Variants in PPARGC1B observed in about 807,000 individuals in gnomAD.
The protein encoded by PPARGC1B is PPARG coactivator 1 beta.
In PPARGC1B, 34 loss-of-function variants were observed where a neutral mutation model predicts 101.6. That is an observed-to-expected ratio of 0.33 (90% CI 0.25 to 0.45). PPARGC1B has a LOEUF of 0.45. Ranked by LOEUF, PPARGC1B falls within the 20% of genes least tolerant of loss-of-function variation. PPARGC1B has a pLI of 1.00. For missense variants in PPARGC1B, 1,234 were observed against 1,317.6 expected (o/e 0.94, Z 0.98); for synonymous variants, 548 against 539.3 (o/e 1.02, Z -0.22).
rs571683316 is a variant in PPARGC1B, at chr5:149,752,178, T to C, written c.78+21758T>C. 6.6e-5 allele frequency among the ~76,000 whole-genome samples: 10 copies of C among 152,380 alleles called. No homozygotes were observed. The East Asian group carries it at 1.9e-3, about 29-fold the overall frequency. On this transcript the variant is annotated intron_variant, in intron 1 of 11. Transcript: ENST00000309241. Reference sequence around the variant, plus strand: ...TTAATCACTCCCGAGGTTTGGCTTTTAGTCTACATACTATGTACCGCATCT... The same window carrying C: ...TTAATCACTCCCGAGGTTTGGCTTTCAGTCTACATACTATGTACCGCATCT...
chr5:149,848,968 C>T lies in PPARGC1B; in HGVS notation c.*1410C>T, dbSNP rs1759675968. On this transcript the variant is annotated 3_prime_UTR_variant, in exon 12 of 12. Transcript: ENST00000309241. ...TAAACTTTGTGTTCTTAAGTGATGT[C>T]AAAGCCATTTCCAGCTTAATGTTCT... 1 of 152,200 alleles carries T rather than the reference C, an allele frequency of 6.6e-6. No individual in the cohort carries two copies. The highest frequency in any genetic ancestry group is 1.5e-5 in the Non-Finnish European group (1 of 68,050). The allele number at this position is 152,200 out of a possible 1,614,324, so 9.4% of individuals were successfully genotyped here.
chr5:149,763,576 G>T (rs1201760683), intron 1 of PPARGC1B, among the ~76,000 whole-genome samples: 1 of 133,468 alleles, frequency 7.5e-6, no homozygotes, highest in Non-Finnish European at 1.5e-5. Flanking sequence ...TGTCACCCAG[G>T]CTGCAGTGCA....
intron 1 of PPARGC1B, chr5:149,818,900 A>G (rs773358134): frequency 2.0e-5 from 9 of 456,426 alleles, no homozygotes; most frequent in Non-Finnish European, 3.5e-5. Context: ...GACTTGCCCA[A>G]AGTCCACAAC....
intron 1 of PPARGC1B, among the ~76,000 whole-genome samples, chr5:149,792,638 G>A (rs550930011): frequency 1.3e-5 from 2 of 152,234 alleles, no homozygotes; most frequent in African/African-American, 4.8e-5. Context: ...CTGCAAAGTG[G>A]GATCATATTC....
intron 1 of PPARGC1B, among the ~76,000 whole-genome samples, chr5:149,814,911 G>T (rs1284154752): frequency 6.6e-6 from 1 of 152,232 alleles, no homozygotes; most frequent in African/African-American, 2.4e-5. Context: ...GGGCCAGAGA[G>T]GCCCTACACA....
At chr5:149,763,399 G>T (rs1164351251) in intron 1 of PPARGC1B, among the ~76,000 whole-genome samples, 3 of 152,162 alleles carry the variant, frequency 2.0e-5, no homozygotes, top group Non-Finnish European at 4.4e-5. Flanking sequence ...GGGGCAGGGG[G>T]AGGTGTTTGG....
At chr5:149,774,435 C>T (rs954818019) in intron 1 of PPARGC1B, among the ~76,000 whole-genome samples, 4 of 152,106 alleles carry the variant, frequency 2.6e-5, no homozygotes, top group Non-Finnish European at 4.4e-5. Flanking sequence ...AGCAGTGAGC[C>T]GGGCATATAG....
intron 1 of PPARGC1B, among the ~76,000 whole-genome samples, chr5:149,810,883 G>A (rs1297312705): frequency 2.6e-5 from 4 of 152,010 alleles, no homozygotes; most frequent in Non-Finnish European, 5.9e-5. Flanking sequence ...AGACCCTTCC[G>A]GTACACAAAA....
chr5:149,732,215 A>G (rs1754526883), intron 1 of PPARGC1B, among the ~76,000 whole-genome samples: 1 of 152,164 alleles, frequency 6.6e-6, no homozygotes, highest in Non-Finnish European at 1.5e-5. Flanking sequence ...CAGTACCCCC[A>G]GAGCCGACAG....
rs1756840038 is a variant in PPARGC1B at position 149,787,124 on chromosome 5, G to T, written c.79-33309G>T. Reference sequence around the variant, plus strand: ...AGCCAATGGGAGAAACGGCCTCAGGGTTTCCCATGGATCAGCTTAGCAACC... The same window carrying T: ...AGCCAATGGGAGAAACGGCCTCAGGTTTTCCCATGGATCAGCTTAGCAACC... On this transcript the variant is annotated intron_variant, in intron 1 of 11. Coordinates refer to ENST00000309241, the MANE Select transcript of PPARGC1B (RefSeq NM_133263.4). Among the ~76,000 whole-genome samples, 4 of 152,330 alleles carry T rather than the reference G, an allele frequency of 2.6e-5. No homozygotes were observed. In the South Asian group the frequency reaches 8.3e-4, roughly 32 times the overall value.
intron 4 of PPARGC1B, among the ~76,000 whole-genome samples, chr5:149,831,443 A>G (rs1375721981): frequency 1.3e-5 from 2 of 152,098 alleles, no homozygotes; most frequent in African/African-American, 4.8e-5. Flanking sequence ...TCTCCTGGGA[A>G]CTGTTGCATC....
intron 1 of PPARGC1B, among the ~76,000 whole-genome samples, chr5:149,733,321 T>C (rs1054358619): frequency 7.2e-5 from 11 of 152,220 alleles, no homozygotes; most frequent in Non-Finnish European, 1.6e-4. Context: ...CTTTGAGGCA[T>C]GGATCCCAAA....
chr5:149,745,299 T>C (rs1193300465), intron 1 of PPARGC1B, among the ~76,000 whole-genome samples: 1 of 152,200 alleles, frequency 6.6e-6, no homozygotes, highest in African/African-American at 2.4e-5. Flanking sequence ...AGGACTTACC[T>C]GCCAGGCTTG....
At chr5:149,799,391 T>C (rs1009773165) in intron 1 of PPARGC1B, among the ~76,000 whole-genome samples, 1 of 152,164 alleles carries the variant, frequency 6.6e-6, no homozygotes, top group African/African-American at 2.4e-5. Flanking sequence ...AGTTTCCAGC[T>C]TCTTTGGCTT....
At chr5:149,764,397 T>C (rs1468459944) in intron 1 of PPARGC1B, among the ~76,000 whole-genome samples, 2 of 152,170 alleles carry the variant, frequency 1.3e-5, no homozygotes, top group African/African-American at 4.8e-5. Flanking sequence ...TGAAGTAGGA[T>C]GCGGAGAGTT....
intron 1 of PPARGC1B, among the ~76,000 whole-genome samples, chr5:149,809,697 A>C (rs974368523): frequency 6.6e-6 from 1 of 151,314 alleles, no homozygotes; most frequent in Non-Finnish European, 1.5e-5. Flanking sequence ...TAAAAAAAAA[A>C]AAAAAAAAAA....
At chr5:149,838,803 A>G (rs1420632734) in intron 8 of PPARGC1B, among the ~76,000 whole-genome samples, 1 of 152,184 alleles carries the variant, frequency 6.6e-6, no homozygotes, top group East Asian at 1.9e-4. Flanking sequence ...TACCTGGCTG[A>G]GCTCAGTACC....
At chr5:149,776,863 G>A (rs1396373893) in intron 1 of PPARGC1B, among the ~76,000 whole-genome samples, 3 of 152,216 alleles carry the variant, frequency 2.0e-5, no homozygotes, top group Non-Finnish European at 2.9e-5. Context: ...TGTTGGCAGC[G>A]GACAGGGAGA....
chr5:149,780,285 A>G (rs1247957598), intron 1 of PPARGC1B, among the ~76,000 whole-genome samples: 1 of 152,234 alleles, frequency 6.6e-6, no homozygotes, highest in Non-Finnish European at 1.5e-5. Flanking sequence ...TCTCATCCTT[A>G]CTGGTCACCA....
Sources: allele counts gnomAD v4.1 joint callset (sites outside exome capture counted in the v4.1 genomes callset), GRCh38; gene constraint gnomAD v4.1.1; transcripts MANE v1.5; gene names NCBI Gene and HGNC (gene_info 2026-07-23, HGNC 2026-07-21).